The following POLR1A variants were observed in gnomAD, a reference collection of about 807,000 sequenced individuals.
The protein encoded by POLR1A is RNA polymerase I subunit A.
POLR1A carries 84 observed loss-of-function variants against 205.3 expected under a neutral mutation model. The observed-to-expected ratio is 0.41, with a 90% confidence interval of 0.34 to 0.49. POLR1A has a LOEUF of 0.49. Ranked by LOEUF, POLR1A falls within the 20% of genes least tolerant of loss-of-function variation. POLR1A has a pLI of 0.22. For synonymous variants in POLR1A, 799 were observed against 863.7 expected (o/e 0.93, Z 1.31); for missense variants, 1,645 against 2,204.5 (o/e 0.75, Z 5.08).
At position 86,035,489 on chromosome 2, in the gene POLR1A, A is replaced by G. The variant is rs1573803043; in HGVS notation, c.4035-1702T>C. On this transcript the variant is annotated intron_variant, in intron 27 of 33. Coordinates refer to ENST00000263857, the MANE Select transcript of POLR1A (RefSeq NM_015425.6). ...CACCCGAGGCTACTGTGCAGAGCAG[A>G]GGAGATGGAATGAGGCGGAGTGGGG... Among the ~76,000 whole-genome samples, 3 of 152,298 alleles carry G rather than the reference A, an allele frequency of 2.0e-5. No homozygotes were observed. In the South Asian group the frequency reaches 6.2e-4, roughly 32 times the overall value.
intron 27 of POLR1A, among the ~76,000 whole-genome samples, chr2:86,036,743 C>T (rs1185035211): frequency 6.6e-6 from 1 of 152,212 alleles, no homozygotes; most frequent in Non-Finnish European, 1.5e-5. Context: ...CTGCTGAGTC[C>T]TTGAGGCCAC....
intron 31 of POLR1A, among the ~76,000 whole-genome samples, chr2:86,029,775 AT>A (rs201376388): frequency 6.7e-6 from 1 of 149,296 alleles, no homozygotes. Context: ...TTTTTTTTGT[AT>A]TTTTTAGTAG....
At chr2:86,068,516 G>A (rs1485158390) in intron 13 of POLR1A, among the ~76,000 whole-genome samples, 1 of 151,958 alleles carries the variant, frequency 6.6e-6, no homozygotes, top group African/African-American at 2.4e-5. Context: ...GGGAATGTCT[G>A]CAAACTGCTT....
chr2:86,076,746 C>T (rs547442491), intron 11 of POLR1A, among the ~76,000 whole-genome samples: 158 of 152,304 alleles, frequency 1.0e-3, no homozygotes, highest in Admixed American at 3.3e-3. Flanking sequence ...AAAGGCAGCA[C>T]AAAAGGTCTC....
In POLR1A at chr2:86,025,918, T is replaced by C. The variant is rs1043122185; in HGVS notation, c.*1505A>G. The C allele has an allele frequency of 1.3e-5, 2 of 152,238 alleles. No homozygotes were observed. The highest frequency in any genetic ancestry group is 4.8e-5 in the African/African-American group (2 of 41,438). The allele number at this position is 152,238 out of a possible 1,614,324, so 9.4% of individuals were successfully genotyped here. A position where few individuals can be genotyped will look rare whatever the true frequency, so the allele number is the denominator to read the frequency against. On this transcript the variant is annotated 3_prime_UTR_variant, in exon 34 of 34. Coordinates refer to ENST00000263857, the MANE Select transcript of POLR1A (RefSeq NM_015425.6). ...CCCCGTTAGGAGGTACTGATTTCTG[T>C]CAGGCTTTCCCCAGTGTAGGCCTAG...
intron 27 of POLR1A, among the ~76,000 whole-genome samples, chr2:86,034,864 A>G (rs1197754120): frequency 2.0e-5 from 3 of 151,966 alleles, no homozygotes; most frequent in African/African-American, 7.2e-5. Flanking sequence ...CCCTAATATT[A>G]TTATTATTAG....
chr2:86,032,486 TTCTAA>T, intron 28 of POLR1A, 104 bp from the exon 29 acceptor site: 1 of 808,490 alleles, frequency 1.2e-6, no homozygotes, highest in East Asian at 2.5e-5. Flanking sequence ...TGCCCCACCC[TTCTAA>T]CCCCTTCTCC....
intron 3 of POLR1A, among the ~76,000 whole-genome samples, chr2:86,092,168 TA>T (rs1403086195): frequency 2.6e-5 from 4 of 152,184 alleles, no homozygotes; most frequent in Non-Finnish European, 2.9e-5. Context: ...TCAGTTGTGT[TA>T]TTAGGCAACA....
In POLR1A at chr2:86,027,426, T is replaced by C. The variant is rs1342264834; in HGVS notation, c.5160A>G (p.Arg1720=). Residue 1720 remains arginine (R), a synonymous_variant, in exon 34 of 34, where the codon AGA becomes AGG. Transcript: ENST00000263857. ...GCAGATGGTGCCGGGGTAGCTGCTA[T>C]CTCAGAGGCTGCTTGAGCTCGAACA... is the stretch of plus-strand genomic sequence containing the variant. ...TGLFELKQPL[R] is the part of the protein sequence containing the mutation. The C allele has an allele frequency of 1.2e-6, 2 of 1,613,624 alleles. No individual in the cohort carries two copies. Among genetic ancestry groups the C allele is most frequent in the Non-Finnish European group, 8.5e-7 (1 of 1,179,656 alleles).
chr2:86,033,298 C>T (rs572785769), intron 28 of POLR1A, among the ~76,000 whole-genome samples: 2 of 152,230 alleles, frequency 1.3e-5, no homozygotes, highest in Non-Finnish European at 2.9e-5. Context: ...CTGGGCAAGT[C>T]GAAGGCAGAG....
rs1397039208 is a variant in POLR1A, at chr2:86,031,371, C to T, written c.4537G>A (p.Asp1513Asn). 2 of 1,598,796 alleles carry T rather than the reference C, an allele frequency of 1.3e-6. No individual in the cohort carries two copies. Among genetic ancestry groups the T allele is most frequent in the South Asian group, 1.1e-5 (1 of 89,568 alleles). The change falls in exon 30 of 34, where the codon GAT becomes AAT. Residue 1513 changes from aspartate to asparagine, a missense_variant. By Grantham distance (23) the Asp-to-Asn change is conservative. This residue lies in a region of POLR1A where 394 missense variants were observed against 468.5 expected (regional missense o/e 0.84). Transcript: ENST00000263857. ...TCCTCGGTGTCGTACTGGTAGTCAT[C>T]TATGAACGGGTGGATCTCACGCACA... The part of the protein sequence containing the change: ...QAVREIHPFI[D>N]DYQYDTEESL...
chr2:86,033,465 C>CT (rs1445341118), intron 28 of POLR1A, among the ~76,000 whole-genome samples, 196 bp downstream of exon 28: 1 of 152,264 alleles, frequency 6.6e-6, no homozygotes, highest in African/African-American at 2.4e-5. Flanking sequence ...TGCCTGGCAG[C>CT]CTCGCTTGCC....
rs775927369 is a variant in POLR1A, at chr2:86,045,714, G to A, written c.2789C>T (p.Ala930Val). ...AAAGCAGGGCAGTGACTTGCCAGAC[G>A]CCATCAGCGGGGGTCTCCGACCTTC... Reference protein sequence around the residue: ...ELEGRRPPLMASGKSLPCFEP... With the variant: ...ELEGRRPPLMVSGKSLPCFEP... Residue 930 changes from alanine to valine, a missense_variant, in exon 20 of 34, where the codon GCG becomes GTG. Physicochemically the swap from Ala to Val is moderately conservative, Grantham distance 64. This residue lies in a region of POLR1A where 339 missense variants were observed against 415.1 expected (regional missense o/e 0.82). Coordinates refer to ENST00000263857, the MANE Select transcript of POLR1A (RefSeq NM_015425.6). 2.9e-5 allele frequency: 47 copies of A among 1,609,868 alleles called. No homozygotes were observed. The highest frequency in any genetic ancestry group is 4.4e-5 in the South Asian group (4 of 90,330).
chr2:86,046,962 A>G lies in POLR1A; in HGVS notation c.2733+203T>C, dbSNP rs527322760. Among the ~76,000 whole-genome samples, 5 of 152,360 alleles carry G rather than the reference A, an allele frequency of 3.3e-5. No individual in the cohort carries two copies. In the South Asian group the frequency reaches 1.0e-3, roughly 32 times the overall value. On this transcript the variant is annotated intron_variant, in intron 19 of 33. Transcript: ENST00000263857. ...TAAATTTGTAATATATATCTACGTT[A>G]TACATATCCCATCTGCATATTCATA...
At chr2:86,042,346 T>C (rs531384051) in intron 23 of POLR1A, among the ~76,000 whole-genome samples, 4 of 152,286 alleles carry the variant, frequency 2.6e-5, no homozygotes, top group African/African-American at 9.6e-5. Flanking sequence ...GCATGTAATT[T>C]ACTGAGCAAA....
rs1211948802 is a variant in POLR1A at position 86,038,870 on chromosome 2, G to A, written c.3877-13C>T. The A allele has an allele frequency of 8.7e-6, 14 of 1,613,456 alleles. No homozygotes were observed. Among genetic ancestry groups the A allele is most frequent in the Admixed American group, 3.3e-5 (2 of 59,996 alleles). On this transcript the variant is annotated splice_polypyrimidine_tract_variant and intron_variant, in intron 26 of 33. Transcript: ENST00000263857. ...TTTTCTGCAACACCTGGAACCAGAC[G>A]GACAGAGAGAACTTGACTTGTTCAG...
At position 86,098,646 on chromosome 2, in the gene POLR1A, G is replaced by T. The variant is rs1282125494; in HGVS notation, c.397C>A (p.Gln133Lys). The change falls in exon 3 of 34, where the codon CAA becomes AAA. Residue 133 changes from glutamine (Q) to lysine (K), a missense_variant. Gln to Lys is a moderately conservative substitution (Grantham distance 53). Coordinates refer to ENST00000263857, the MANE Select transcript of POLR1A (RefSeq NM_015425.6). ...ATTCTCTCAAGCTCGTAGACTGCTT[G>T]TAGGGCCCCGACTTCCAGAACCCTC... ...QLRVLEVGAL[Q>K]AVYELERILN... The T allele has an allele frequency of 6.2e-7, 1 of 1,613,674 alleles. No individual in the cohort carries two copies. Among genetic ancestry groups the T allele is most frequent in the Non-Finnish European group, 8.5e-7 (1 of 1,179,896 alleles).
At chr2:86,049,131 C>T in intron 17 of POLR1A, 29 bp downstream of exon 17, 1 of 1,610,132 alleles carries the variant, frequency 6.2e-7, no homozygotes, top group Non-Finnish European at 8.5e-7. Context: ...CCCTCTAGGG[C>T]AGGCCACGGC....
Position 86,023,289 on chromosome 2 carries a change from C to A in POLR1A, c.*4134G>T, listed in dbSNP as rs745739024. 1 of 152,228 alleles carries A rather than the reference C, an allele frequency of 6.6e-6. No homozygotes were observed. The highest frequency in any genetic ancestry group is 6.5e-5 in the Admixed American group (1 of 15,280). The allele number at this position is 152,228 out of a possible 1,614,324, so 9.4% of individuals were successfully genotyped here. ...CTCAAGGGCAGGCTGTGGTACGGGG[C>A]TGCCCCACTGAGCCATCTGCAGAGG... On this transcript the variant is annotated 3_prime_UTR_variant, in exon 34 of 34. Coordinates refer to ENST00000263857, the MANE Select transcript of POLR1A (RefSeq NM_015425.6).
Sources: allele counts gnomAD v4.1 joint callset (sites outside exome capture counted in the v4.1 genomes callset), GRCh38; gene constraint gnomAD v4.1.1; regional missense constraint gnomAD v4.1.1; transcripts MANE v1.5; gene names NCBI Gene and HGNC (gene_info 2026-07-23, HGNC 2026-07-21).